The following CCDC60 variants were observed in gnomAD, a reference collection of about 807,000 sequenced individuals.
CCDC60 encodes coiled-coil domain containing 60, also known as coiled-coil domain-containing protein 60.
In CCDC60, 54 loss-of-function variants were observed where a neutral mutation model predicts 63.5. That is an observed-to-expected ratio of 0.85 (90% CI 0.68 to 1.07). The LOEUF (loss-of-function observed/expected upper bound fraction) is 1.07, where lower values mean the gene tolerates loss of function less well. Among genes scored for constraint, CCDC60 ranks in the 50% least tolerant of loss-of-function variants. The probability of loss-of-function intolerance (pLI) is 0.00; values close to 1 mark genes in which losing one functional copy is unlikely to be tolerated. For synonymous variants in CCDC60, 206 were observed against 238.8 expected, an observed-to-expected ratio of 0.86 and a Z score of 1.27; for missense variants, 651 against 684.3, an observed-to-expected ratio of 0.95 and a Z score of 0.54.
intron 13 of CCDC60, among the ~76,000 whole-genome samples, chr12:119,535,914 G>A (rs1309463789): frequency 6.6e-6 from 1 of 152,206 alleles, no homozygotes; most frequent in Non-Finnish European, 1.5e-5. Flanking sequence ...GGAGAGTTCT[G>A]TAGATGTCTA....
intron 2 of CCDC60, among the ~76,000 whole-genome samples, chr12:119,468,807 C>T (rs185769866): frequency 8.6e-5 from 13 of 152,032 alleles, no homozygotes; most frequent in South Asian, 2.1e-4. Context: ...GGTGCAGTGG[C>T]TCATGCTTGT....
At chr12:119,452,814 G>GTTT (rs78696291) in intron 2 of CCDC60, among the ~76,000 whole-genome samples, 1,704 of 144,522 alleles carry the variant, frequency 0.012, 16 homozygotes, top group Non-Finnish European at 0.018. Context: ...AATTTGGCTT[G>GTTT]TTTTTTTTTT....
At chr12:119,441,205 G>A (rs993383906) in intron 2 of CCDC60, among the ~76,000 whole-genome samples, 35 of 152,046 alleles carry the variant, frequency 2.3e-4, no homozygotes, top group Admixed American at 6.5e-5. Flanking sequence ...GTTCATAAGC[G>A]GAAGCTGTGC....
chr12:119,463,867 A>C (rs1950903406), intron 2 of CCDC60, among the ~76,000 whole-genome samples: 1 of 152,184 alleles, frequency 6.6e-6, no homozygotes, highest in African/African-American at 2.4e-5. Context: ...CTGGAGTAGG[A>C]CCCTGGAGTA....
intron 1 of CCDC60, among the ~76,000 whole-genome samples, chr12:119,387,479 T>C (rs1203969393): frequency 3.9e-5 from 6 of 152,198 alleles, no homozygotes; most frequent in Non-Finnish European, 7.3e-5. Context: ...ACAAATGCCA[T>C]ACATAAAAAA....
chr12:119,427,612 C>T (rs1244148646), intron 1 of CCDC60, among the ~76,000 whole-genome samples: 3 of 152,118 alleles, frequency 2.0e-5, no homozygotes, highest in Non-Finnish European at 4.4e-5. Context: ...AGGACATGCT[C>T]ATTTCTAAAG....
At chr12:119,537,189 A>C (rs1026604796) in intron 13 of CCDC60, among the ~76,000 whole-genome samples, 3 of 152,100 alleles carry the variant, frequency 2.0e-5, no homozygotes, top group African/African-American at 7.2e-5. Flanking sequence ...CCTTTCTTCC[A>C]CTAGATTGAA....
At chr12:119,423,092 G>A (rs986502266) in intron 1 of CCDC60, among the ~76,000 whole-genome samples, 1 of 152,162 alleles carries the variant, frequency 6.6e-6, no homozygotes, top group Non-Finnish European at 1.5e-5. Flanking sequence ...GGTAAGTTTT[G>A]ATGGGAAGGG....
chr12:119,522,839 C>G (rs1952565111), intron 9 of CCDC60, 100 bp from the exon 10 acceptor site: 3 of 1,010,992 alleles, frequency 3.0e-6, no homozygotes, highest in Non-Finnish European at 4.8e-6. Context: ...ACCTCCCATG[C>G]CTGAATCCTG....
intron 4 of CCDC60, among the ~76,000 whole-genome samples, chr12:119,487,932 C>T (rs764661168): frequency 1.4e-4 from 21 of 152,148 alleles, no homozygotes; most frequent in Non-Finnish European, 2.9e-4. Context: ...GCCTTGACCT[C>T]CCTGGCTCAA....
At chr12:119,472,737 C>T (rs987547567) in intron 3 of CCDC60, among the ~76,000 whole-genome samples, 3 of 151,974 alleles carry the variant, frequency 2.0e-5, no homozygotes, top group East Asian at 1.9e-4. Context: ...CCCACCACCA[C>T]GCCTGGCTAA....
chr12:119,450,140 CTT>C (rs933065409), intron 2 of CCDC60, among the ~76,000 whole-genome samples: 1 of 151,988 alleles, frequency 6.6e-6, no homozygotes, highest in Non-Finnish European at 1.5e-5. Context: ...AGGCCATTAT[CTT>C]AAGTGAAATA....
Position 119,437,620 on chromosome 12 carries a change from T to C in CCDC60, c.170+8858T>C, listed in dbSNP as rs147702965. ...TTTAAGTAGTTGGAAAAATTATTGT[T>C]GATCTCAGGCATTTACTGACCGCTC... On this transcript the variant is annotated intron_variant, in intron 2 of 13. Transcript: ENST00000327554. Among the ~76,000 whole-genome samples the C allele has an allele frequency of 4.3e-3, 648 of 152,290 alleles. 4 individuals carry two copies. Among genetic ancestry groups the C allele is most frequent in the African/African-American group, 0.014 (593 of 41,574 alleles).
At chr12:119,516,463 C>T (rs1017620649) in intron 7 of CCDC60, among the ~76,000 whole-genome samples, 160 bp from the exon 8 acceptor site, 1 of 152,192 alleles carries the variant, frequency 6.6e-6, no homozygotes, top group Admixed American at 6.5e-5. Context: ...ACATGCCCAA[C>T]ACTATCAGCC....
rs869163881 is a variant in CCDC60 at position 119,373,662 on chromosome 12, TGG to T, written c.90+38399_90+38400del. On this transcript the variant is annotated intron_variant, in intron 1 of 13. Coordinates refer to ENST00000327554, the MANE Select transcript of CCDC60 (RefSeq NM_178499.5). The stretch of plus-strand genomic sequence containing the variant: ...TAGGCAAGATACTTTCTCTCCGGGG[TGG>T]GGTGGGGGGGGGTCTCAGTTCCCTT... Among the ~76,000 whole-genome samples the T allele has an allele frequency of 6.7e-3, 495 of 74,082 alleles. 16 individuals carry two copies. In the East Asian group the frequency reaches 0.1, roughly 15 times the overall value. 48.6% of individuals were successfully genotyped at this position (74,082 alleles called of 152,430 possible).
At chr12:119,516,131 A>T (rs537378756) in intron 7 of CCDC60, among the ~76,000 whole-genome samples, 2 of 151,996 alleles carry the variant, frequency 1.3e-5, no homozygotes, top group Non-Finnish European at 2.9e-5. Context: ...TTTGATTCAG[A>T]GTCTAACTGT....
At chr12:119,426,757 C>T (rs190652808) in intron 1 of CCDC60, among the ~76,000 whole-genome samples, 1 of 152,308 alleles carries the variant, frequency 6.6e-6, no homozygotes. Context: ...TACATGGGAA[C>T]ATGTATTGGC....
intron 7 of CCDC60, among the ~76,000 whole-genome samples, chr12:119,507,475 TACATATATAC>T (rs1158947780): frequency 2.1e-5 from 3 of 145,584 alleles, no homozygotes; most frequent in Non-Finnish European, 4.5e-5. Flanking sequence ...TACATATATA[TACATATATAC>T]ACATATATAC....
At chr12:119,532,210 C>A (rs1417142765) in intron 13 of CCDC60, among the ~76,000 whole-genome samples, 4 of 152,100 alleles carry the variant, frequency 2.6e-5, no homozygotes, top group African/African-American at 9.7e-5. Flanking sequence ...TCTAGGGCAA[C>A]TTCCACCTTC....
Sources: allele counts gnomAD v4.1 joint callset (sites outside exome capture counted in the v4.1 genomes callset), GRCh38; gene constraint gnomAD v4.1.1; transcripts MANE v1.5; gene names NCBI Gene and HGNC (gene_info 2026-07-23, HGNC 2026-07-21).